The following DOCK3 variants were observed in gnomAD, a reference collection of about 807,000 sequenced individuals.
DOCK3 encodes dedicator of cytokinesis 3.
Under a neutral mutation model 265.6 loss-of-function variants are expected in DOCK3, and 60 were observed. That is an observed-to-expected ratio of 0.23 (90% confidence interval 0.18 to 0.28). The LOEUF is 0.28. Ranked by LOEUF, DOCK3 falls within the 10% of genes least tolerant of loss-of-function variation. The probability of loss-of-function intolerance (pLI) is 1.00; values close to 1 mark genes in which losing one functional copy is unlikely to be tolerated. For missense variants in DOCK3, 1,981 were observed against 2,594.3 expected, an observed-to-expected ratio of 0.76 and a Z score of 5.14; for synonymous variants, 881 against 938.0, an observed-to-expected ratio of 0.94 and a Z score of 1.11.
At chr3:51,174,265 G>C (rs1455651366) in intron 12 of DOCK3, among the ~76,000 whole-genome samples, 4 of 152,012 alleles carry the variant, frequency 2.6e-5, no homozygotes, top group African/African-American at 9.7e-5. Context: ...AGACCATCCT[G>C]GCCAACATGG....
intron 12 of DOCK3, among the ~76,000 whole-genome samples, chr3:51,203,702 G>T (rs531903539): frequency 6.6e-6 from 1 of 152,264 alleles, no homozygotes; most frequent in Admixed American, 6.5e-5. Context: ...AGCCTGCATT[G>T]CCAAGTCAAT....
intron 12 of DOCK3, among the ~76,000 whole-genome samples, chr3:51,193,535 A>G (rs1349616172): frequency 1.3e-5 from 2 of 152,246 alleles, no homozygotes; most frequent in African/African-American, 4.8e-5. Flanking sequence ...CTGTGTATCC[A>G]TCTGGTCCTG....
intron 10 of DOCK3, among the ~76,000 whole-genome samples, chr3:51,156,910 TTTCTATATCC>T (rs2085876423): frequency 6.6e-6 from 1 of 152,180 alleles, no homozygotes; most frequent in Admixed American, 6.5e-5. Flanking sequence ...GTGTTGAACA[TTTCTATATCC>T]TTCAGTAATC....
chr3:50,852,115 G>A (rs2046379474), intron 3 of DOCK3, among the ~76,000 whole-genome samples: 3 of 152,164 alleles, frequency 2.0e-5, no homozygotes. Flanking sequence ...ACGTACTAGG[G>A]CTTCACTCAC....
intron 5 of DOCK3, among the ~76,000 whole-genome samples, chr3:51,021,888 C>G (rs1308604227): frequency 6.6e-6 from 1 of 151,980 alleles, no homozygotes; most frequent in Non-Finnish European, 1.5e-5. Context: ...GTCTCGAACT[C>G]CTGACCTTGT....
chr3:51,008,851 C>A (rs1206312464), intron 5 of DOCK3, among the ~76,000 whole-genome samples: 2 of 152,112 alleles, frequency 1.3e-5, no homozygotes, highest in African/African-American at 2.4e-5. Context: ...TTGTCAAAGG[C>A]CTTTTCTGCG....
At position 50,935,237 on chromosome 3, in the gene DOCK3, C is replaced by T. The variant is rs150021106; in HGVS notation, c.315+1160C>T. ...TTTACTGTTCTCTAAGAGAACAGCACAATAAAAGCTGTATTTCTCTCCTAC... is the reference window on the plus strand; with the variant it reads ...TTTACTGTTCTCTAAGAGAACAGCATAATAAAAGCTGTATTTCTCTCCTAC... On this transcript the variant is annotated intron_variant, in intron 5 of 52. Transcript: ENST00000266037. 3.3e-3 allele frequency among the ~76,000 whole-genome samples: 506 copies of T among 152,218 alleles called. 1 individual carries two copies. The highest frequency in any genetic ancestry group is 0.012 in the African/African-American group (484 of 41,544).
intron 9 of DOCK3, among the ~76,000 whole-genome samples, chr3:51,109,613 C>T (rs1047194478): frequency 6.6e-6 from 1 of 151,928 alleles, no homozygotes; most frequent in African/African-American, 2.4e-5. Flanking sequence ...AGTCCATTAG[C>T]TAGACTAATA....
chr3:51,116,647 G>A (rs886099908), intron 9 of DOCK3, among the ~76,000 whole-genome samples: 5 of 152,006 alleles, frequency 3.3e-5, no homozygotes, highest in South Asian at 2.1e-4. Flanking sequence ...TTGAGCAGTG[G>A]TTTGTAGTTC....
At chr3:51,316,928 T>C (rs1195376761) in intron 32 of DOCK3, among the ~76,000 whole-genome samples, 2 of 152,200 alleles carry the variant, frequency 1.3e-5, no homozygotes, top group African/African-American at 2.4e-5. Context: ...TACTAAACAA[T>C]ATCTTTCTTA....
chr3:50,979,971 A>C lies in DOCK3; in HGVS notation c.315+45894A>C, dbSNP rs533915283. ...TTTCTTTCTCTTGCCTGATTACTCT[A>C]GCTAGGCTTTCTAGTACTGTGTTGA... On this transcript the variant is annotated intron_variant, in intron 5 of 52. Coordinates refer to ENST00000266037, the MANE Select transcript of DOCK3 (RefSeq NM_004947.5). Among the ~76,000 whole-genome samples, 256 of 152,278 alleles carry C rather than the reference A, an allele frequency of 1.7e-3. 1 individual carries two copies. Among genetic ancestry groups the C allele is most frequent in the Non-Finnish European group, 1.3e-3 (86 of 68,032 alleles).
At chr3:50,781,547 T>G (rs1177099870) in intron 2 of DOCK3, among the ~76,000 whole-genome samples, 1 of 152,190 alleles carries the variant, frequency 6.6e-6, no homozygotes, top group African/African-American at 2.4e-5. Flanking sequence ...ATGCTGAAAT[T>G]AGAGGCATGA....
chr3:50,752,005 AT>A (rs1191895856), intron 1 of DOCK3, among the ~76,000 whole-genome samples: 1 of 152,072 alleles, frequency 6.6e-6, no homozygotes, highest in African/African-American at 2.4e-5. Context: ...ACATGTGGGG[AT>A]TATGGGGATT....
intron 12 of DOCK3, among the ~76,000 whole-genome samples, chr3:51,189,918 A>G (rs981764799): frequency 2.0e-5 from 3 of 152,160 alleles, no homozygotes; most frequent in Non-Finnish European, 2.9e-5. Context: ...AAGGCTTTCA[A>G]TAGGTCCACT....
chr3:51,279,031 C>T lies in DOCK3; in HGVS notation c.2824-1075C>T, dbSNP rs529467599. 2.6e-5 allele frequency among the ~76,000 whole-genome samples: 4 copies of T among 152,230 alleles called. No individual in the cohort carries two copies. In the South Asian group the frequency reaches 8.3e-4, roughly 32 times the overall value. On this transcript the variant is annotated intron_variant, in intron 26 of 52. Coordinates refer to ENST00000266037, the MANE Select transcript of DOCK3 (RefSeq NM_004947.5). ...TGGGAGGCCGAGGCAGATGGATCAT[C>T]TGAGGTCAGGAGTTCGAGACTAGCC...
chr3:50,719,933 G>C, intron 1 of DOCK3: 2 of 527,724 alleles, frequency 3.8e-6, no homozygotes, highest in South Asian at 3.8e-5. Context: ...GCCCAAGGGC[G>C]TACCGTCCAC....
At chr3:51,315,913 G>C (rs2083337219) in intron 32 of DOCK3, among the ~76,000 whole-genome samples, 1 of 152,158 alleles carries the variant, frequency 6.6e-6, no homozygotes, top group Non-Finnish European at 1.5e-5. Flanking sequence ...CCGAGCCTGT[G>C]ATTCTGGGAT....
At chr3:50,764,451 T>G (rs1481834346) in intron 1 of DOCK3, among the ~76,000 whole-genome samples, 3 of 152,218 alleles carry the variant, frequency 2.0e-5, no homozygotes, top group African/African-American at 7.2e-5. Context: ...AGAGTATGTT[T>G]ATAGGTTATT....
intron 9 of DOCK3, among the ~76,000 whole-genome samples, chr3:51,103,517 A>G (rs1039114373): frequency 6.6e-6 from 1 of 152,126 alleles, no homozygotes; most frequent in African/African-American, 2.4e-5. Flanking sequence ...TAATAAATCT[A>G]CCCTCAAAAA....
Sources: gnomAD v4.1 joint callset for allele counts (sites outside exome capture counted in the v4.1 genomes callset) on GRCh38, gnomAD v4.1.1 for gene constraint, MANE v1.5 for transcripts, NCBI Gene and HGNC (gene_info 2026-07-23, HGNC 2026-07-21) for gene names.